Variants in SCO1 observed in about 807,000 individuals in gnomAD.
SCO1 encodes cytochrome c oxidase assembly factor SCO1.
SCO1 carries 23 observed loss-of-function variants against 34.0 expected under a neutral mutation model. The ratio of observed to expected loss-of-function variants is 0.68; its 90% CI spans 0.49 to 0.96. The LOEUF is 0.96. Among genes scored for constraint, SCO1 ranks in the 40% least tolerant of loss-of-function variants. The pLI is 0.00. For synonymous variants in SCO1, 161 were observed against 145.5 expected, an observed-to-expected ratio of 1.11 and a Z score of -0.77; for missense variants, 404 against 381.6, an observed-to-expected ratio of 1.06 and a Z score of -0.49.
chr17:10,696,162 T>C (rs773294661), intron 1 of SCO1, among the ~76,000 whole-genome samples: 16 of 147,874 alleles, frequency 1.1e-4, no homozygotes, highest in Non-Finnish European at 1.6e-4. Context: ...AAACCAATTA[T>C]GGCCGGGCGC....
At position 10,692,814 on chromosome 17, in the gene SCO1, T is replaced by G. The variant is rs1316534906; in HGVS notation, c.512A>C (p.Asp171Ala). ...LIYFGFTHCPDVCPEELEKMI... is the reference protein window; with the variant it reads ...LIYFGFTHCPAVCPEELEKMI... ...CTTTTCTAGTTCTTCTGGACAGACA[T>G]CAGGGCAATGAGTGAAGCCAAAATA... is the stretch of plus-strand genomic sequence containing the variant. The change falls in exon 3 of 6, where the codon GAT (aspartate) becomes GCT (alanine). Residue 171 changes from aspartate to alanine, a missense_variant. Asp to Ala is a moderately radical substitution (Grantham distance 126, BLOSUM62 -2). Coordinates refer to ENST00000255390, the MANE Select transcript of SCO1 (RefSeq NM_004589.4). 3.1e-6 allele frequency: 5 copies of G among 1,614,218 alleles called. No homozygotes were observed. Among genetic ancestry groups the G allele is most frequent in the Non-Finnish European group, 3.4e-6 (4 of 1,180,030 alleles).
At chr17:10,695,857 A>C (rs770022256) in intron 1 of SCO1, 26 bp from the exon 2 acceptor site, 1 of 1,548,770 alleles carries the variant, frequency 6.5e-7, no homozygotes. Context: ...TTTCAAACAT[A>C]AAAATTCTAG....
chr17:10,673,952 T>C lies in SCO1; in HGVS notation c.*7167A>G, dbSNP rs1196266918. 6.6e-6 allele frequency: 1 copy of C among 152,222 alleles called. No homozygotes were observed. The highest frequency in any genetic ancestry group is 1.5e-5 in the Non-Finnish European group (1 of 68,046). The allele number at this position is 152,222 out of a possible 1,614,324, so 9.4% of individuals were successfully genotyped here. On this transcript the variant is annotated 3_prime_UTR_variant, in exon 6 of 6. Coordinates refer to ENST00000255390, the MANE Select transcript of SCO1 (RefSeq NM_004589.4). ...GAGAGACTCTTCAAATTGTGTTTCA[T>C]GGGAGCGAAATTAAATAAAGAGCTT...
In SCO1 at chr17:10,678,869, T is replaced by G. The variant is rs1173906019; in HGVS notation, c.*2250A>C. 3.9e-5 allele frequency: 6 copies of G among 152,142 alleles called. No individual in the cohort carries two copies. Among genetic ancestry groups the G allele is most frequent in the African/African-American group, 1.4e-4 (6 of 41,502 alleles). The allele number at this position is 152,142 out of a possible 1,614,324, so 9.4% of individuals were successfully genotyped here. On this transcript the variant is annotated 3_prime_UTR_variant, in exon 6 of 6. Coordinates refer to ENST00000255390, the MANE Select transcript of SCO1 (RefSeq NM_004589.4). ...TCAAGGAGTCAGCAGGGTTTGTTTT[T>G]TTTTTTTTTTCTCACAACTTCTCTC...
At chr17:10,693,005 T>C (rs1292999905) in intron 2 of SCO1, 44 bp from the exon 3 acceptor site, 2 of 1,569,578 alleles carry the variant, frequency 1.3e-6, no homozygotes, top group Non-Finnish European at 8.8e-7. Flanking sequence ...AAAAGTCAAT[T>C]TAACCAGAGG....
chr17:10,685,391 C>G (rs888943925), intron 5 of SCO1, among the ~76,000 whole-genome samples: 1 of 152,090 alleles, frequency 6.6e-6, no homozygotes, highest in African/African-American at 2.4e-5. Context: ...GAAAAATGTC[C>G]AAATTGAGAG....
intron 4 of SCO1, among the ~76,000 whole-genome samples, chr17:10,688,337 A>T (rs921207097): frequency 1.3e-5 from 2 of 152,268 alleles, no homozygotes; most frequent in East Asian, 3.8e-4. Context: ...CGGTCAAAAG[A>T]TATGAACAGA....
Position 10,694,236 on chromosome 17 carries a change from G to GT in SCO1, c.365-1276dup, listed in dbSNP as rs1285235205. 6.6e-5 allele frequency among the ~76,000 whole-genome samples: 10 copies of GT among 152,326 alleles called. No individual in the cohort carries two copies. In the East Asian group the frequency reaches 1.5e-3, roughly 23 times the overall value. On this transcript the variant is annotated intron_variant, in intron 2 of 5. Transcript: ENST00000255390. ...GGGCATTCTACAAAATAACTCTCCTGTAACTGTCAAAGCTGTCAAGGTTGT... is the reference window on the plus strand; with the variant it reads ...GGGCATTCTACAAAATAACTCTCCTGTTAACTGTCAAAGCTGTCAAGGTTGT...
intron 1 of SCO1, among the ~76,000 whole-genome samples, chr17:10,696,302 G>A (rs763784836): frequency 7.2e-4 from 110 of 151,922 alleles, no homozygotes; most frequent in Non-Finnish European, 9.6e-4. Flanking sequence ...AAAATTAGCC[G>A]GGCGTGGTAG....
intron 2 of SCO1, among the ~76,000 whole-genome samples, chr17:10,693,793 G>A (rs756519671): frequency 7.9e-5 from 12 of 152,322 alleles, no homozygotes; most frequent in Non-Finnish European, 1.6e-4. Context: ...TATTGGAGAC[G>A]TGTCAAAGAC....
At chr17:10,686,056 A>G (rs1013830200) in intron 5 of SCO1, among the ~76,000 whole-genome samples, 1 of 152,148 alleles carries the variant, frequency 6.6e-6, no homozygotes, top group Admixed American at 6.5e-5. Flanking sequence ...CGCCTGGCCA[A>G]CATGGCAAAA....
Position 10,695,704 on chromosome 17 carries a change from CCTT to C in SCO1, c.364+34_364+36del, listed in dbSNP as rs201753449. ...AGGTGCTAGTCCATAGCCAGGAAGA[CCTT>C]TATACAGGGCTGAGCAGATGATAAT... On this transcript the variant is annotated intron_variant, in intron 2 of 5. Coordinates refer to ENST00000255390, the MANE Select transcript of SCO1 (RefSeq NM_004589.4). 17,382 of 1,439,600 alleles carry C rather than the reference CCTT, an allele frequency of 0.012. 919 individuals carry two copies. The East Asian group carries it at 0.16, about 13-fold the overall frequency. 89.2% of individuals were successfully genotyped at this position (1,439,600 alleles called of 1,614,324 possible). A position where few individuals can be genotyped will look rare whatever the true frequency, so the allele number is the denominator to read the frequency against.
Position 10,675,282 on chromosome 17 carries a change from T to C in SCO1, c.*5837A>G, listed in dbSNP as rs903758309. On this transcript the variant is annotated 3_prime_UTR_variant, in exon 6 of 6. Coordinates refer to ENST00000255390, the MANE Select transcript of SCO1 (RefSeq NM_004589.4). ...CTGTTGCTGAAGCTTGCTGACACTTTCTCCACGCTGTCTTCTTTCAGGCCT... is the reference window on the plus strand; with the variant it reads ...CTGTTGCTGAAGCTTGCTGACACTTCCTCCACGCTGTCTTCTTTCAGGCCT... 6.6e-6 allele frequency: 1 copy of C among 152,616 alleles called. No individual in the cohort carries two copies. Among genetic ancestry groups the C allele is most frequent in the African/African-American group, 2.4e-5 (1 of 41,440 alleles). The allele number at this position is 152,616 out of a possible 1,614,324, so 9.5% of individuals were successfully genotyped here. A position where few individuals can be genotyped will look rare whatever the true frequency, so the allele number is the denominator to read the frequency against.
Position 10,673,242 on chromosome 17 carries a change from T to A in SCO1, c.*7877A>T, listed in dbSNP as rs1425571439. 1 of 152,244 alleles carries A rather than the reference T, an allele frequency of 6.6e-6. No individual in the cohort carries two copies. The highest frequency in any genetic ancestry group is 1.5e-5 in the Non-Finnish European group (1 of 68,092). 9.4% of individuals were successfully genotyped at this position (152,244 alleles called of 1,614,324 possible). ...TGATCTCGATCTCTTGATCTCGTGATCTGCCTTTTCTTTATCTTGTCTGGT... is the reference window on the plus strand; with the variant it reads ...TGATCTCGATCTCTTGATCTCGTGAACTGCCTTTTCTTTATCTTGTCTGGT... On this transcript the variant is annotated 3_prime_UTR_variant, in exon 6 of 6. Coordinates refer to ENST00000255390, the MANE Select transcript of SCO1 (RefSeq NM_004589.4).
Position 10,681,267 on chromosome 17 carries a change from G to T in SCO1, c.772-14C>A, listed in dbSNP as rs111334635. ...TGTGTGATCCACCTGCAGAGAAAAG[G>T]GGGGAGAGTGTGACAAAGATTACCA... On this transcript the variant is annotated splice_polypyrimidine_tract_variant and intron_variant, in intron 5 of 5. Transcript: ENST00000255390. The T allele has an allele frequency of 7.4e-6, 12 of 1,613,506 alleles. No homozygotes were observed. Among genetic ancestry groups the T allele is most frequent in the African/African-American group, 4.0e-5 (3 of 74,920 alleles).
rs1163384731 is a variant in SCO1, at chr17:10,672,935, T to C, written c.*8184A>G. 6.6e-6 allele frequency: 1 copy of C among 152,054 alleles called. No individual in the cohort carries two copies. Among genetic ancestry groups the C allele is most frequent in the East Asian group, 1.9e-4 (1 of 5,188 alleles). The allele number at this position is 152,054 out of a possible 1,614,324, so 9.4% of individuals were successfully genotyped here. A position where few individuals can be genotyped will look rare whatever the true frequency, so the allele number is the denominator to read the frequency against. On this transcript the variant is annotated 3_prime_UTR_variant, in exon 6 of 6. Transcript: ENST00000255390. ...GATACATAAAACACTCAAAAGAGAG[T>C]TGAAGTTTAGGTGCACTAGTTGGCA...
At chr17:10,697,200 G>A (rs752897273) in intron 1 of SCO1, 35 bp downstream of exon 1, 13 of 1,484,274 alleles carry the variant, frequency 8.8e-6, no homozygotes, top group Non-Finnish European at 1.2e-5. Flanking sequence ...CGACAGCCGC[G>A]ACGAGCACCA....
In SCO1 at chr17:10,697,482, C is replaced by A. The variant is rs751482122; in HGVS notation, c.26G>T (p.Gly9Val). MAMLVLVP[G>V]RVMRPLGGQL... is the part of the protein sequence containing the mutation. ...GCCACCCAGAGGCCGCATAACTCGT[C>A]CGGGTACTAGGACCAGCATCGCCAT... Residue 9 changes from glycine (G) to valine (V), a missense_variant, in exon 1 of 6, where the codon GGA (glycine) becomes GTA (valine). By Grantham distance (109) the Gly-to-Val change is moderately radical. Coordinates refer to ENST00000255390, the MANE Select transcript of SCO1 (RefSeq NM_004589.4). 9 of 1,613,368 alleles carry A rather than the reference C, an allele frequency of 5.6e-6. No homozygotes were observed. In the Admixed American group the frequency reaches 1.3e-4, roughly 24 times the overall value.
chr17:10,682,920 T>A (rs2074631605), intron 5 of SCO1, among the ~76,000 whole-genome samples: 1 of 152,214 alleles, frequency 6.6e-6, no homozygotes, highest in African/African-American at 2.4e-5. Flanking sequence ...AAACCTAGAA[T>A]CTGTCCAGTT....
Sources: gnomAD v4.1 joint callset for allele counts (sites outside exome capture counted in the v4.1 genomes callset) on GRCh38, gnomAD v4.1.1 for gene constraint, MANE v1.5 for transcripts, NCBI Gene and HGNC (gene_info 2026-07-23, HGNC 2026-07-21) for gene names.